MLPH: variants seen among roughly 807,000 people sequenced by gnomAD.
MLPH encodes the protein melanophilin, also known as exophilin-3.
MLPH carries 51 observed loss-of-function variants against 72.1 expected under a neutral mutation model. The observed-to-expected ratio is 0.71, with a 90% CI of 0.56 to 0.89. The LOEUF is 0.89. Among genes scored for constraint, MLPH ranks in the 40% least tolerant of loss-of-function variants. MLPH has a pLI of 0.00. For synonymous variants in MLPH, 301 were observed against 310.1 expected (o/e 0.97, Z 0.31); for missense variants, 743 against 759.9 (o/e 0.98, Z 0.26).
chr2:237,523,913 G>T (rs572414480), intron 6 of MLPH, among the ~76,000 whole-genome samples: 1 of 144,670 alleles, frequency 6.9e-6, no homozygotes, highest in Non-Finnish European at 1.5e-5. Flanking sequence ...AAGGCCTCGG[G>T]TAAGTAATAT....
intron 6 of MLPH, among the ~76,000 whole-genome samples, chr2:237,522,920 G>A (rs371270644): frequency 2.6e-5 from 4 of 152,168 alleles, no homozygotes; most frequent in African/African-American, 9.7e-5. Flanking sequence ...GCATCTGCTC[G>A]GCTGTACCAT....
At chr2:237,525,857 G>A (rs750802473) in intron 7 of MLPH, 52 bp downstream of exon 7, 2 of 1,557,194 alleles carry the variant, frequency 1.3e-6, no homozygotes, top group Admixed American at 1.7e-5. Flanking sequence ...GGGGGAGCAG[G>A]TCACTGAGGA....
chr2:237,546,455 A>G, intron 12 of MLPH, 151 bp from the exon 13 acceptor site: 1 of 713,174 alleles, frequency 1.4e-6, no homozygotes, highest in Non-Finnish European at 2.6e-6. Context: ...AGAGTCCTGG[A>G]GCGGCATACT....
Position 237,553,875 on chromosome 2 carries a change from A to T in MLPH, c.*283A>T. The T allele has an allele frequency of 1.6e-6, 1 of 616,950 alleles. No homozygotes were observed. Among genetic ancestry groups the T allele is most frequent in the East Asian group, 3.0e-5 (1 of 33,300 alleles). 38.2% of individuals were successfully genotyped at this position (616,950 alleles called of 1,614,324 possible). A position where few individuals can be genotyped will look rare whatever the true frequency, so the allele number is the denominator to read the frequency against. The stretch of plus-strand genomic sequence containing the variant: ...ACTTCCCTTTAGGACAATGTTGTGT[A>T]AATCTTTGAAGGACACACCGAAGAC... On this transcript the variant is annotated 3_prime_UTR_variant, in exon 16 of 16. Transcript: ENST00000264605.
intron 6 of MLPH, 136 bp downstream of exon 6, chr2:237,520,165 C>A: frequency 8.5e-7 from 1 of 1,178,242 alleles, no homozygotes; most frequent in Non-Finnish European, 1.2e-6. Context: ...CAAGGCATGA[C>A]AGGGAAGGGG....
intron 4 of MLPH, among the ~76,000 whole-genome samples, chr2:237,515,223 G>A (rs116520394): frequency 2.5e-3 from 382 of 152,310 alleles, no homozygotes; most frequent in African/African-American, 8.4e-3. Context: ...ACTCGGGGGC[G>A]GATGAAAGGA....
intron 1 of MLPH, among the ~76,000 whole-genome samples, chr2:237,489,463 C>T (rs1367606327): frequency 1.3e-5 from 2 of 152,122 alleles, no homozygotes; most frequent in African/African-American, 2.4e-5. Context: ...GCTCATTTAG[C>T]CACTGATGAG....
intron 12 of MLPH, chr2:237,545,758 G>C (rs1047106592): frequency 6.3e-6 from 5 of 797,230 alleles, no homozygotes; most frequent in Non-Finnish European, 8.3e-6. Flanking sequence ...GTCCCAGATA[G>C]GGTCATGACG....
chr2:237,535,794 C>G (rs576948356), intron 9 of MLPH, among the ~76,000 whole-genome samples: 41 of 152,276 alleles, frequency 2.7e-4, no homozygotes, highest in Non-Finnish European at 5.4e-4. Context: ...ACAGCATTTT[C>G]CATACAAGGC....
At chr2:237,514,559 G>A (rs2079973949) in intron 4 of MLPH, among the ~76,000 whole-genome samples, 1 of 152,172 alleles carries the variant, frequency 6.6e-6, no homozygotes, top group South Asian at 2.1e-4. Context: ...GGGGAAGAAT[G>A]GGCCTGAGAG....
chr2:237,554,550 C>G lies in MLPH; in HGVS notation c.*958C>G, dbSNP rs935660034. The stretch of plus-strand genomic sequence containing the variant: ...GTGCCCCATCCAGTTTTAAGTGGAG[C>G]CCTCCAAGACTCTCCAGAGCTGCCT... On this transcript the variant is annotated 3_prime_UTR_variant, in exon 16 of 16. Transcript: ENST00000264605. 1 of 152,706 alleles carries G rather than the reference C, an allele frequency of 6.5e-6. No individual in the cohort carries two copies. Among genetic ancestry groups the G allele is most frequent in the Non-Finnish European group, 1.5e-5 (1 of 68,438 alleles). 9.5% of individuals were successfully genotyped at this position (152,706 alleles called of 1,614,324 possible).
Position 237,553,594 on chromosome 2 carries a change from G to A in MLPH, c.*2G>A, listed in dbSNP as rs745816099. On this transcript the variant is annotated 3_prime_UTR_variant, in exon 16 of 16. Transcript: ENST00000264605. ...CCTGTGGTGGCCCACCAGTCCTAAC[G>A]GGACAGGACAGAGAGACAGAGCAGC... 103 of 1,614,180 alleles carry A rather than the reference G, an allele frequency of 6.4e-5. 1 individual carries two copies. In the Admixed American group the frequency reaches 8.8e-4, roughly 14 times the overall value.
chr2:237,513,636 C>T (rs2079954328), intron 4 of MLPH, among the ~76,000 whole-genome samples: 1 of 152,010 alleles, frequency 6.6e-6, no homozygotes, highest in African/African-American at 2.4e-5. Context: ...TGCAGAGTGA[C>T]AAAAGGGACC....
Position 237,542,589 on chromosome 2 carries a change from T to C in MLPH, c.1469T>C (p.Ile490Thr), listed in dbSNP as rs745586088. The C allele has an allele frequency of 4.4e-6, 7 of 1,603,474 alleles. No individual in the cohort carries two copies. The highest frequency in any genetic ancestry group is 6.0e-6 in the Non-Finnish European group (7 of 1,175,922). Residue 490 changes from isoleucine to threonine, a missense_variant, in exon 12 of 16, where the codon ATT (isoleucine) becomes ACT (threonine). Transcript: ENST00000264605. Reference protein sequence around the residue: ...ESEVSDIESRIAALRAAGLTV... With the variant: ...ESEVSDIESRTAALRAAGLTV... ...CAGGTTTCAGACATTGAATCCAGGA[T>C]TGCAGCCCTGAGGGCCGCAGGGCTC...
At chr2:237,518,125 G>GGGATGGAT (rs145481523) in intron 4 of MLPH, 1 of 334,312 alleles carries the variant, frequency 3.0e-6, no homozygotes, top group Non-Finnish European at 5.8e-6. Flanking sequence ...GAGGGATGGA[G>GGGATGGAT]GGATGGATGG....
rs1190645600 is a variant in MLPH, at chr2:237,527,574, C to T, written c.1020+58C>T. On this transcript the variant is annotated intron_variant, in intron 8 of 15. Coordinates refer to ENST00000264605, the MANE Select transcript of MLPH (RefSeq NM_024101.7). ...GTTTCTTTGGGTGGAGTCTTTTTAC[C>T]TCCACACCAAGTCACTTTAGAGAAA... The T allele has an allele frequency of 4.4e-6, 7 of 1,605,372 alleles. No homozygotes were observed. The East Asian group carries it at 1.1e-4, about 26-fold the overall frequency.
intron 12 of MLPH, chr2:237,545,679 C>T (rs2080903388): frequency 8.1e-7 from 1 of 1,227,868 alleles, no homozygotes. Flanking sequence ...TGATCCCATT[C>T]AGGAATCTTC....
At chr2:237,550,774 C>T (rs933604745) in intron 14 of MLPH, among the ~76,000 whole-genome samples, 2 of 152,162 alleles carry the variant, frequency 1.3e-5, no homozygotes, top group African/African-American at 4.8e-5. Context: ...GTCTCGAACT[C>T]CTGACGTCAG....
At chr2:237,506,335 T>C (rs1212487657) in intron 2 of MLPH, among the ~76,000 whole-genome samples, 1 of 152,256 alleles carries the variant, frequency 6.6e-6, no homozygotes, top group Non-Finnish European at 1.5e-5. Flanking sequence ...GGTGTTGTTC[T>C]GCTTTTGCAA....
Sources: allele counts gnomAD v4.1 joint callset (sites outside exome capture counted in the v4.1 genomes callset), GRCh38; gene constraint gnomAD v4.1.1; transcripts MANE v1.5; gene names NCBI Gene and HGNC (gene_info 2026-07-23, HGNC 2026-07-21).